The following PHKB variants were observed in gnomAD, a reference collection of about 807,000 sequenced individuals.
PHKB encodes the protein phosphorylase kinase regulatory subunit beta, also known as phosphorylase b kinase regulatory subunit beta.
A neutral mutation model predicts 152.1 loss-of-function variants in PHKB; 122 were observed. That is an observed-to-expected ratio of 0.80 (90% CI 0.69 to 0.93). PHKB has a LOEUF of 0.93. Ranked by LOEUF, PHKB falls within the 40% of genes least tolerant of loss-of-function variation. The pLI, the probability that PHKB is intolerant of heterozygous loss-of-function variation, is 0.00. For missense variants in PHKB, 1,304 were observed against 1,328.4 expected (o/e 0.98, Z 0.29); for synonymous variants, 436 against 464.9 (o/e 0.94, Z 0.80).
At chr16:47,662,547 T>C (rs1208142490) in intron 23 of PHKB, among the ~76,000 whole-genome samples, 1 of 152,248 alleles carries the variant, frequency 6.6e-6, no homozygotes, top group East Asian at 1.9e-4. Flanking sequence ...CGTATAGTTC[T>C]GGTAATTAAC....
rs199811700 is a variant in PHKB, at chr16:47,594,112, T to C, written c.1127-25T>C. The stretch of plus-strand genomic sequence containing the variant: ...AGATCCTTATTAAGCTCAGCTGCTA[T>C]TGGATTTTATATTTTATATTTTAGG... On this transcript the variant is annotated intron_variant, in intron 11 of 30. Coordinates refer to ENST00000323584, the MANE Select transcript of PHKB (RefSeq NM_000293.3). 38 of 1,233,320 alleles carry C rather than the reference T, an allele frequency of 3.1e-5. No individual in the cohort carries two copies. In the East Asian group the frequency reaches 7.7e-4, roughly 25 times the overall value. The allele number at this position is 1,233,320 out of a possible 1,614,324, so 76.4% of individuals were successfully genotyped here.
chr16:47,483,038 T>C (rs944686655), intron 1 of PHKB, among the ~76,000 whole-genome samples: 3 of 138,622 alleles, frequency 2.2e-5, no homozygotes, highest in African/African-American at 5.3e-5. Flanking sequence ...TAATTTCTTT[T>C]TTTTTTTTTT....
chr16:47,573,303 G>T (rs1273385897), intron 7 of PHKB, among the ~76,000 whole-genome samples: 1 of 152,188 alleles, frequency 6.6e-6, no homozygotes, highest in East Asian at 1.9e-4. Context: ...CCTGTCTGTG[G>T]TGTTAGGCTA....
intron 6 of PHKB, among the ~76,000 whole-genome samples, chr16:47,540,534 C>G (rs544769976): frequency 6.6e-6 from 1 of 152,076 alleles, no homozygotes; most frequent in Non-Finnish European, 1.5e-5. Context: ...AAGTGGGCAT[C>G]ATGGTCCTAC....
chr16:47,605,290 C>T (rs1041081330), intron 13 of PHKB, among the ~76,000 whole-genome samples: 4 of 151,964 alleles, frequency 2.6e-5, no homozygotes, highest in African/African-American at 4.8e-5. Flanking sequence ...TACATGAGCA[C>T]GTGGTGTAAG....
chr16:47,597,697 T>C (rs1166751494), intron 13 of PHKB: 2 of 147,958 alleles, frequency 1.4e-5, no homozygotes, highest in Admixed American at 6.7e-5. Context: ...TTTTTTTTTT[T>C]AGTGATTCCG....
chr16:47,696,257 G>GA (rs1974144911), intron 28 of PHKB, 124 bp from the exon 29 acceptor site: 2 of 711,362 alleles, frequency 2.8e-6, no homozygotes, highest in Non-Finnish European at 5.2e-6. Flanking sequence ...TTGTGTAGCT[G>GA]AAAATGTTCT....
intron 28 of PHKB, among the ~76,000 whole-genome samples, chr16:47,695,146 G>C (rs1974125869): frequency 6.6e-6 from 1 of 152,126 alleles, no homozygotes; most frequent in Non-Finnish European, 1.5e-5. Context: ...TGTAGCTGCT[G>C]AGCCTTTTCT....
intron 13 of PHKB, among the ~76,000 whole-genome samples, chr16:47,599,903 A>C (rs894607118): frequency 3.3e-5 from 5 of 152,346 alleles, no homozygotes; most frequent in Non-Finnish European, 7.4e-5. Flanking sequence ...ACTAGCCCTA[A>C]GAACCATCAG....
chr16:47,658,339 A>G (rs944568228), intron 20 of PHKB, among the ~76,000 whole-genome samples: 2 of 152,082 alleles, frequency 1.3e-5, no homozygotes, highest in South Asian at 2.1e-4. Context: ...ATCCTTTCTG[A>G]TCAGCTATAT....
At chr16:47,514,907 T>C (rs1250729201) in intron 5 of PHKB, among the ~76,000 whole-genome samples, 1 of 152,258 alleles carries the variant, frequency 6.6e-6, no homozygotes, top group African/African-American at 2.4e-5. Flanking sequence ...ATAAAACTAA[T>C]TTGTTCATAA....
chr16:47,597,752 C>CGTATA (rs1972148413), intron 13 of PHKB: 1 of 146,976 alleles, frequency 6.8e-6, no homozygotes, highest in African/African-American at 2.5e-5. Flanking sequence ...GAATATAAGC[C>CGTATA]TATCCGTATG....
At chr16:47,537,428 C>T (rs1361915587) in intron 6 of PHKB, among the ~76,000 whole-genome samples, 2 of 152,214 alleles carry the variant, frequency 1.3e-5, no homozygotes, top group Admixed American at 6.5e-5. Flanking sequence ...CTTTATCATG[C>T]CAGCTCAGGG....
chr16:47,573,444 C>T (rs1376931063), intron 7 of PHKB, among the ~76,000 whole-genome samples: 6 of 152,102 alleles, frequency 3.9e-5, no homozygotes, highest in East Asian at 1.9e-4. Context: ...CACGGAGGAG[C>T]GGAACTGCCT....
chr16:47,598,754 C>T lies in PHKB; in HGVS notation c.1363+2223C>T. On this transcript the variant is annotated intron_variant, in intron 13 of 30. Coordinates refer to ENST00000323584, the MANE Select transcript of PHKB (RefSeq NM_000293.3). ...CTTGCCAGATTTAGTTCATGTTCAG[C>T]CTAAAGAATCACCTCTTCTAATTGA... 10 of 1,586,998 alleles carry T rather than the reference C, an allele frequency of 6.3e-6. No homozygotes were observed. In the South Asian group the frequency reaches 1.1e-4, roughly 18 times the overall value.
intron 8 of PHKB, among the ~76,000 whole-genome samples, chr16:47,585,196 G>A (rs549261330): frequency 3.7e-4 from 57 of 152,270 alleles, no homozygotes; most frequent in Non-Finnish European, 6.2e-4. Context: ...GGATATTATG[G>A]CAGAATTATA....
intron 7 of PHKB, among the ~76,000 whole-genome samples, chr16:47,553,020 G>A (rs569099699): frequency 1.3e-5 from 2 of 152,132 alleles, no homozygotes; most frequent in African/African-American, 4.8e-5. Flanking sequence ...TCTTGGGGTT[G>A]TTCTTCTCAA....
chr16:47,608,653 G>A (rs1363863224), intron 13 of PHKB, among the ~76,000 whole-genome samples: 3 of 152,102 alleles, frequency 2.0e-5, no homozygotes, highest in East Asian at 1.9e-4. Flanking sequence ...TGAAAGTTGC[G>A]ATTGTGCCAC....
intron 7 of PHKB, among the ~76,000 whole-genome samples, chr16:47,557,461 A>G (rs1448397468): frequency 6.6e-6 from 1 of 152,234 alleles, no homozygotes; most frequent in Non-Finnish European, 1.5e-5. Flanking sequence ...ACAAAATGGG[A>G]GAAAATTTTC....
Sources: allele counts gnomAD v4.1 joint callset (sites outside exome capture counted in the v4.1 genomes callset), GRCh38; gene constraint gnomAD v4.1.1; transcripts MANE v1.5; gene names NCBI Gene and HGNC (gene_info 2026-07-23, HGNC 2026-07-21).